The following INO80D variants were observed in gnomAD, a reference collection of about 807,000 sequenced individuals.
INO80D encodes INO80 complex subunit D.
INO80D carries 21 observed loss-of-function variants against 87.6 expected under a neutral mutation model. The observed-to-expected ratio is 0.24, with a 90% CI of 0.17 to 0.35. The LOEUF (loss-of-function observed/expected upper bound fraction) is 0.35, where lower values mean the gene tolerates loss of function less well. Ranked by LOEUF, INO80D falls within the 10% of genes least tolerant of loss-of-function variation. The probability of loss-of-function intolerance (pLI) is 1.00; values close to 1 mark genes in which losing one functional copy is unlikely to be tolerated. For missense variants in INO80D, 982 were observed against 1,280.7 expected (o/e 0.77, Z 3.56); for synonymous variants, 440 against 491.0 (o/e 0.90, Z 1.37).
intron 1 of INO80D, among the ~76,000 whole-genome samples, chr2:206,068,905 T>C (rs1194489796): frequency 1.3e-5 from 2 of 152,090 alleles, no homozygotes; most frequent in Admixed American, 1.3e-4. Flanking sequence ...TTCACCATGT[T>C]GCCTAGGCTG....
rs752805632 is a variant in INO80D at position 206,080,882 on chromosome 2, G to A, written c.-124+5019C>T. On this transcript the variant is annotated intron_variant, in intron 1 of 10. Coordinates refer to ENST00000403263, the MANE Select transcript of INO80D (RefSeq NM_017759.5). Reference sequence around the variant, plus strand: ...CGTGCCACTGCACTCCAGCCTGGGCGACAGAGTGAGACTCAGTCTCAAAAA... The same window carrying A: ...CGTGCCACTGCACTCCAGCCTGGGCAACAGAGTGAGACTCAGTCTCAAAAA... 1.3e-3 allele frequency among the ~76,000 whole-genome samples: 150 copies of A among 112,206 alleles called. 1 individual carries two copies. Among genetic ancestry groups the A allele is most frequent in the Non-Finnish European group, 2.2e-3 (135 of 61,104 alleles). The allele number at this position is 112,206 out of a possible 152,430, so 73.6% of individuals were successfully genotyped here. A position where few individuals can be genotyped will look rare whatever the true frequency, so the allele number is the denominator to read the frequency against.
intron 6 of INO80D, chr2:206,025,542 AATATATATATATAT>A (rs1553616186): frequency 2.6e-5 from 2 of 76,936 alleles, no homozygotes; most frequent in Non-Finnish European, 5.1e-5. Flanking sequence ...AAAAAAAAAA[AATATATATATATAT>A]ATATATATAT....
rs1687936475 is a variant in INO80D at position 206,003,239 on chromosome 2, C to T, written c.*1129G>A. ...ACTGGTACACTGATTCTACAAGTGT[C>T]TTAACATTTTACAAATCTTACCAAA... On this transcript the variant is annotated 3_prime_UTR_variant, in exon 11 of 11. Transcript: ENST00000403263. 6.6e-6 allele frequency: 1 copy of T among 152,206 alleles called. No homozygotes were observed. The highest frequency in any genetic ancestry group is 2.4e-5 in the African/African-American group (1 of 41,448). The allele number at this position is 152,206 out of a possible 1,614,324, so 9.4% of individuals were successfully genotyped here. A position where few individuals can be genotyped will look rare whatever the true frequency, so the allele number is the denominator to read the frequency against.
chr2:206,012,245 A>T (rs1448313358), intron 8 of INO80D, among the ~76,000 whole-genome samples: 1 of 152,224 alleles, frequency 6.6e-6, no homozygotes, highest in Non-Finnish European at 1.5e-5. Context: ...GGATGGAGTA[A>T]AGGGATGACC....
intron 3 of INO80D, among the ~76,000 whole-genome samples, chr2:206,059,052 C>T (rs1335687486): frequency 6.7e-6 from 1 of 149,628 alleles, no homozygotes; most frequent in Non-Finnish European, 1.5e-5. Context: ...TAGCAAGACC[C>T]TGTCTCAGTT....
chr2:206,078,875 AGAG>A (rs757704825), intron 1 of INO80D, among the ~76,000 whole-genome samples: 70 of 152,242 alleles, frequency 4.6e-4, no homozygotes, highest in Non-Finnish European at 7.6e-4. Context: ...CCTGGGAGGC[AGAG>A]ATTGCAGTGA....
chr2:206,035,426 G>A (rs565099055), intron 5 of INO80D, among the ~76,000 whole-genome samples: 2 of 152,172 alleles, frequency 1.3e-5, no homozygotes, highest in African/African-American at 2.4e-5. Flanking sequence ...AGAGAACCCA[G>A]AAATAAACTC....
chr2:206,017,963 G>A, intron 7 of INO80D, 150 bp from the exon 8 acceptor site: 1 of 628,848 alleles, frequency 1.6e-6, no homozygotes, highest in Non-Finnish European at 2.6e-6. Context: ...CTCAACTACT[G>A]ATATGGGAAA....
At position 206,001,183 on chromosome 2, in the gene INO80D, AAAT is replaced by A. The variant is rs1255355429; in HGVS notation, c.*3182_*3184del. ...AACAATGTCTTAAGTACTTTAATTAAAATAATATTAATAATTATGTAGAGAGAG... is the reference window on the plus strand; with the variant it reads ...AACAATGTCTTAAGTACTTTAATTAAAATATTAATAATTATGTAGAGAGAG... On this transcript the variant is annotated 3_prime_UTR_variant, in exon 11 of 11. Coordinates refer to ENST00000403263, the MANE Select transcript of INO80D (RefSeq NM_017759.5). 4 of 152,226 alleles carry A rather than the reference AAAT, an allele frequency of 2.6e-5. No individual in the cohort carries two copies. The allele number at this position is 152,226 out of a possible 1,614,324, so 9.4% of individuals were successfully genotyped here.
At chr2:206,084,035 A>T (rs1263626407) in intron 1 of INO80D, among the ~76,000 whole-genome samples, 3 of 151,974 alleles carry the variant, frequency 2.0e-5, no homozygotes, top group African/African-American at 7.2e-5. Context: ...CCTGTCCCTG[A>T]AAAGCAGAAA....
intron 5 of INO80D, among the ~76,000 whole-genome samples, chr2:206,043,297 G>C (rs1457968895): frequency 6.6e-6 from 1 of 150,590 alleles, no homozygotes; most frequent in East Asian, 2.0e-4. Flanking sequence ...TCAGCCTCCT[G>C]AGTAGCTGGG....
intron 1 of INO80D, among the ~76,000 whole-genome samples, chr2:206,084,401 G>A (rs1260816508): frequency 1.3e-5 from 2 of 152,064 alleles, no homozygotes; most frequent in African/African-American, 2.4e-5. Context: ...ATACAAGAAT[G>A]TCACATAAAA....
intron 8 of INO80D, among the ~76,000 whole-genome samples, chr2:206,017,033 A>C (rs1688337623): frequency 6.6e-6 from 1 of 152,202 alleles, no homozygotes; most frequent in South Asian, 2.1e-4. Context: ...AGGTCCAAAA[A>C]GGCTGAATCC....
intron 1 of INO80D, among the ~76,000 whole-genome samples, chr2:206,073,022 G>A (rs539871965): frequency 6.6e-6 from 1 of 151,992 alleles, no homozygotes; most frequent in Admixed American, 6.6e-5. Flanking sequence ...ATTTATTGTA[G>A]AGATGGAGTC....
chr2:206,044,479 GT>G (rs1363422572), intron 5 of INO80D, among the ~76,000 whole-genome samples: 1 of 74,376 alleles, frequency 1.3e-5, no homozygotes, highest in African/African-American at 4.7e-5. Context: ...ATAAATACCT[GT>G]TAAAAAAAAA....
chr2:206,058,903 C>T (rs1013294941), intron 3 of INO80D, among the ~76,000 whole-genome samples: 3 of 151,982 alleles, frequency 2.0e-5, no homozygotes, highest in African/African-American at 7.2e-5. Flanking sequence ...CTGTACCCAT[C>T]TGGCAGTGTT....
At chr2:206,059,328 C>T (rs1314642003) in intron 3 of INO80D, among the ~76,000 whole-genome samples, 1 of 152,054 alleles carries the variant, frequency 6.6e-6, no homozygotes. Context: ...CTGCAGTGAG[C>T]CGAGACTGTG....
rs1286963779 is a variant in INO80D at position 205,999,836 on chromosome 2, G to C, written c.*4532C>G. The C allele has an allele frequency of 1.3e-5, 2 of 152,038 alleles. No individual in the cohort carries two copies. The highest frequency in any genetic ancestry group is 2.9e-5 in the Non-Finnish European group (2 of 68,012). The allele number at this position is 152,038 out of a possible 1,614,324, so 9.4% of individuals were successfully genotyped here. ...CTAAACATGATTCTGGTTTCCTCCAGAATATAGGAAAATGTATAAAGATGT... is the reference window on the plus strand; with the variant it reads ...CTAAACATGATTCTGGTTTCCTCCACAATATAGGAAAATGTATAAAGATGT... On this transcript the variant is annotated 3_prime_UTR_variant, in exon 11 of 11. Coordinates refer to ENST00000403263, the MANE Select transcript of INO80D (RefSeq NM_017759.5).
chr2:206,044,694 C>T (rs1235527899), intron 5 of INO80D, among the ~76,000 whole-genome samples: 1 of 152,100 alleles, frequency 6.6e-6, no homozygotes, highest in East Asian at 1.9e-4. Context: ...ATAGAATACA[C>T]ATTGTTCCTA....
Sources: allele counts gnomAD v4.1 joint callset (sites outside exome capture counted in the v4.1 genomes callset), GRCh38; gene constraint gnomAD v4.1.1; transcripts MANE v1.5; gene names NCBI Gene and HGNC (gene_info 2026-07-23, HGNC 2026-07-21).